Variants in BLK observed in about 807,000 individuals in gnomAD.
BLK encodes the protein BLK proto-oncogene, Src family tyrosine kinase.
BLK carries 64 observed loss-of-function variants against 61.8 expected under a neutral mutation model. That is an observed-to-expected ratio of 1.03 (90% CI 0.85 to 1.27). The LOEUF (loss-of-function observed/expected upper bound fraction) is 1.27, where lower values mean the gene tolerates loss of function less well. Ranked by LOEUF, BLK falls within the 50% of genes most tolerant of loss-of-function variation. The pLI, the probability that BLK is intolerant of heterozygous loss-of-function variation, is 0.00. For synonymous variants in BLK, 351 were observed against 272.0 expected (o/e 1.29, Z -2.86); for missense variants, 853 against 660.5 (o/e 1.29, Z -3.19).
intron 1 of BLK, among the ~76,000 whole-genome samples, chr8:11,542,222 T>C (rs1344031075): frequency 3.9e-5 from 6 of 152,230 alleles, no homozygotes; most frequent in Admixed American, 3.3e-4. Context: ...TGCTACTAGT[T>C]ATACTGCAAA....
chr8:11,524,350 T>C (rs1799566847), intron 1 of BLK, among the ~76,000 whole-genome samples: 1 of 152,206 alleles, frequency 6.6e-6, no homozygotes, highest in African/African-American at 2.4e-5. Flanking sequence ...GGGTTGTAAC[T>C]GATTTTTTTT....
chr8:11,555,299 A>AC (rs1382943554), intron 7 of BLK, 33 bp from the exon 8 acceptor site: 1 of 1,613,630 alleles, frequency 6.2e-7, no homozygotes, highest in Non-Finnish European at 8.5e-7. Flanking sequence ...TGCTCTGGTA[A>AC]CCCCCAGCCC....
intron 10 of BLK, chr8:11,560,641 G>T (rs1801465739): frequency 5.7e-6 from 2 of 351,518 alleles, no homozygotes; most frequent in Admixed American, 7.5e-5. Flanking sequence ...CTGGTGATCA[G>T]GGGAGGAGAG....
At chr8:11,551,027 C>G (rs149648232) in intron 6 of BLK, among the ~76,000 whole-genome samples, 2 of 152,226 alleles carry the variant, frequency 1.3e-5, no homozygotes, top group African/African-American at 2.4e-5. Flanking sequence ...CCCCCACCCT[C>G]AAGAGCTACC....
chr8:11,535,109 T>C (rs1487688903), intron 1 of BLK, among the ~76,000 whole-genome samples: 11 of 151,522 alleles, frequency 7.3e-5, no homozygotes, highest in African/African-American at 2.2e-4. Context: ...GCCCAGGAGT[T>C]CAAGGCTGCA....
intron 1 of BLK, among the ~76,000 whole-genome samples, chr8:11,523,746 C>T (rs1799543652): frequency 6.6e-6 from 1 of 151,618 alleles, no homozygotes; most frequent in African/African-American, 2.4e-5. Context: ...ATAAGAGAAA[C>T]ACAAGTGGCT....
At position 11,554,772 on chromosome 8, in the gene BLK, A is replaced by G. The variant is rs772351075; in HGVS notation, c.502A>G (p.Thr168Ala). The change falls in exon 7 of 13, where the codon ACC (threonine) becomes GCC (alanine). Residue 168 changes from threonine (T) to alanine (A), a missense_variant. By Grantham distance (58) the Thr-to-Ala change is moderately conservative. Transcript: ENST00000259089. Reference protein sequence around the residue: ...GAFSLSVKDVTTQGELIKHYK... With the variant: ...GAFSLSVKDVATQGELIKHYK... ...CTTCTCCCTGTCTGTGAAGGATGTCACCACCCAGGGGGAGCTGATCAAGCA... is the reference window on the plus strand; with the variant it reads ...CTTCTCCCTGTCTGTGAAGGATGTCGCCACCCAGGGGGAGCTGATCAAGCA... 1 of 1,613,884 alleles carries G rather than the reference A, an allele frequency of 6.2e-7. No individual in the cohort carries two copies.
intron 5 of BLK, among the ~76,000 whole-genome samples, chr8:11,549,437 C>T (rs1045715970): frequency 1.3e-4 from 20 of 152,338 alleles, no homozygotes; most frequent in African/African-American, 4.8e-4. Context: ...TGACCAGCAT[C>T]CCCTCCCCTA....
intron 1 of BLK, among the ~76,000 whole-genome samples, chr8:11,539,248 A>T (rs1286512422): frequency 6.6e-5 from 10 of 152,150 alleles, no homozygotes; most frequent in Admixed American, 5.9e-4. Flanking sequence ...GGTGTTTGCA[A>T]ATATGGGATT....
chr8:11,536,845 A>G (rs920424690), intron 1 of BLK, among the ~76,000 whole-genome samples: 3 of 152,198 alleles, frequency 2.0e-5, no homozygotes, highest in African/African-American at 4.8e-5. Context: ...TGAGCTCACA[A>G]AACACTTTAC....
At chr8:11,514,977 C>G (rs559551843) in intron 1 of BLK, among the ~76,000 whole-genome samples, 1 of 152,254 alleles carries the variant, frequency 6.6e-6, no homozygotes, top group South Asian at 2.1e-4. Flanking sequence ...GGTTGAGGCA[C>G]GCACATGACT....
chr8:11,518,132 T>C (rs112487005), intron 1 of BLK, among the ~76,000 whole-genome samples: 3,738 of 152,168 alleles, frequency 0.025, 108 homozygotes, highest in African/African-American at 0.072. Context: ...GTGAGTCAGG[T>C]AGAGAGCCCA....
chr8:11,535,960 T>G (rs1452731807), intron 1 of BLK, among the ~76,000 whole-genome samples: 1 of 152,158 alleles, frequency 6.6e-6, no homozygotes. Context: ...CTAACCAAAG[T>G]CAGAGCAGAA....
chr8:11,546,176 A>C lies in BLK; in HGVS notation c.175+73A>C, dbSNP rs796310144. 177 of 1,562,552 alleles carry C rather than the reference A, an allele frequency of 1.1e-4. 1 individual carries two copies. In the African/African-American group the frequency reaches 1.9e-3, roughly 17 times the overall value. ...AGGTGGCAGCTTTGTGGAGTTGGAA[A>C]AAGGTTGAGTCAGGAGCAGCTTGAG... On this transcript the variant is annotated intron_variant, in intron 3 of 12. Transcript: ENST00000259089.
intron 1 of BLK, among the ~76,000 whole-genome samples, chr8:11,539,722 T>A (rs1563106043): frequency 6.6e-6 from 1 of 152,230 alleles, no homozygotes; most frequent in South Asian, 2.1e-4. Context: ...GCAATTTGGA[T>A]TCAGCAATGA....
At chr8:11,502,532 C>G (rs1351123898) in intron 1 of BLK, among the ~76,000 whole-genome samples, 1 of 152,176 alleles carries the variant, frequency 6.6e-6, no homozygotes, top group Non-Finnish European at 1.5e-5. Flanking sequence ...AAGTGATCTG[C>G]CCAGTTCGGC....
At chr8:11,512,541 A>G (rs991876741) in intron 1 of BLK, among the ~76,000 whole-genome samples, 1 of 152,224 alleles carries the variant, frequency 6.6e-6, no homozygotes, top group Non-Finnish European at 1.5e-5. Flanking sequence ...AGTATTATCA[A>G]TTTGATCCTT....
chr8:11,547,951 C>A, intron 3 of BLK, 81 bp from the exon 4 acceptor site: 1 of 1,202,674 alleles, frequency 8.3e-7, no homozygotes, highest in Non-Finnish European at 1.2e-6. Context: ...AGCCTGTCCT[C>A]CTTGGTAGCC....
Position 11,564,070 on chromosome 8 carries a change from T to C in BLK, c.1480T>C (p.Tyr494His). ...EFLQSVLEDF[Y>H]TATERQYELQ... ...CCTGCAGTCGGTGCTGGAGGACTTC[T>C]ACACGGCCACCGAGCGGCAGTACGA... Residue 494 changes from tyrosine (Y) to histidine (H), a missense_variant, in exon 13 of 13, where the codon TAC becomes CAC. Transcript: ENST00000259089. 1.3e-6 allele frequency: 2 copies of C among 1,596,826 alleles called. No individual in the cohort carries two copies. The highest frequency in any genetic ancestry group is 1.7e-6 in the Non-Finnish European group (2 of 1,176,016).
Sources: gnomAD v4.1 joint callset for allele counts (sites outside exome capture counted in the v4.1 genomes callset) on GRCh38, gnomAD v4.1.1 for gene constraint, MANE v1.5 for transcripts, NCBI Gene and HGNC (gene_info 2026-07-23, HGNC 2026-07-21) for gene names.